Variants in PIK3R5 observed in about 807,000 individuals in gnomAD.
PIK3R5 encodes phosphoinositide-3-kinase regulatory subunit 5.
A neutral mutation model predicts 94.9 loss-of-function variants in PIK3R5; 32 were observed. The ratio of observed to expected loss-of-function variants is 0.34; its 90% CI spans 0.25 to 0.45. The LOEUF is 0.45. PIK3R5 is among the 20% of genes least tolerant of loss of function. The probability of loss-of-function intolerance (pLI) is 1.00; values close to 1 mark genes in which losing one functional copy is unlikely to be tolerated. For synonymous variants in PIK3R5, 443 were observed against 479.4 expected, an observed-to-expected ratio of 0.92 and a Z score of 0.99; for missense variants, 853 against 1,144.6, an observed-to-expected ratio of 0.75 and a Z score of 3.68.
intron 6 of PIK3R5, among the ~76,000 whole-genome samples, chr17:8,891,376 C>T (rs553469403): frequency 5.9e-5 from 9 of 152,054 alleles, no homozygotes; most frequent in African/African-American, 2.2e-4. Flanking sequence ...TTCCTCGTGC[C>T]GTGGGGCTGC....
intron 1 of PIK3R5, among the ~76,000 whole-genome samples, chr17:8,943,544 G>A (rs1038555154): frequency 6.6e-5 from 10 of 152,164 alleles, no homozygotes; most frequent in African/African-American, 9.7e-5. Flanking sequence ...AGGCCGAGGC[G>A]GATGCATCAT....
chr17:8,916,778 A>C (rs1313357612), intron 1 of PIK3R5: 1 of 152,256 alleles, frequency 6.6e-6, no homozygotes, highest in African/African-American at 2.4e-5. Flanking sequence ...GAGGAGGTGT[A>C]GGGTCTGCCT....
At position 8,893,714 on chromosome 17, in the gene PIK3R5, T is replaced by C; in HGVS notation, c.413-59A>G. Reference sequence around the variant, plus strand: ...ATCAGTTCCTTCAGCATCGTCCGTGTGCCTCGTGGGGAGCCAAGCACTGGA... The same window carrying C: ...ATCAGTTCCTTCAGCATCGTCCGTGCGCCTCGTGGGGAGCCAAGCACTGGA... On this transcript the variant is annotated intron_variant, in intron 5 of 18. Coordinates refer to ENST00000447110, the MANE Select transcript of PIK3R5 (RefSeq NM_001142633.3). The surrounding 1 kb of genome is among the most constrained non-coding windows in gnomAD (Gnocchi z 5.1). 7.5e-7 allele frequency: 1 copy of C among 1,339,352 alleles called. No homozygotes were observed. Among genetic ancestry groups the C allele is most frequent in the South Asian group, 1.2e-5 (1 of 85,250 alleles). The allele number at this position is 1,339,352 out of a possible 1,614,324, so 83.0% of individuals were successfully genotyped here.
At chr17:8,886,192 C>G (rs758719686) in intron 14 of PIK3R5, 37 bp downstream of exon 14, 1 of 1,520,854 alleles carries the variant, frequency 6.6e-7, no homozygotes, top group South Asian at 1.1e-5. Context: ...GTCCCAGGCC[C>G]CGCCTCACCG....
chr17:8,916,781 G>A (rs993214788), intron 1 of PIK3R5: 1 of 152,292 alleles, frequency 6.6e-6, no homozygotes, highest in Non-Finnish European at 1.5e-5. Context: ...GAGGTGTAGG[G>A]TCTGCCTGGG....
At chr17:8,963,570 C>T (rs2091604272) in intron 1 of PIK3R5, among the ~76,000 whole-genome samples, 1 of 150,630 alleles carries the variant, frequency 6.6e-6, no homozygotes. Flanking sequence ...TAGGGTCTCT[C>T]TGTGTCTGCC....
At chr17:8,898,226 C>T (rs1269563603) in intron 5 of PIK3R5, among the ~76,000 whole-genome samples, 3 of 152,194 alleles carry the variant, frequency 2.0e-5, no homozygotes, top group Non-Finnish European at 2.9e-5. Context: ...AGAAATGTAA[C>T]ACCACTGAAG....
chr17:8,947,404 G>A (rs1484541226), intron 1 of PIK3R5, among the ~76,000 whole-genome samples: 1 of 152,206 alleles, frequency 6.6e-6, no homozygotes, highest in African/African-American at 2.4e-5. Flanking sequence ...CATGACTGGG[G>A]TTTGTAGTAA....
At chr17:8,953,140 T>C (rs890916238) in intron 1 of PIK3R5, among the ~76,000 whole-genome samples, 1 of 152,204 alleles carries the variant, frequency 6.6e-6, no homozygotes, top group Non-Finnish European at 1.5e-5. Flanking sequence ...ACCCATTACA[T>C]GGTCCAGCAT....
In PIK3R5 at chr17:8,888,975, A is replaced by T; in HGVS notation, c.896-84T>A. 1 of 1,537,170 alleles carries T rather than the reference A, an allele frequency of 6.5e-7. No individual in the cohort carries two copies. Among genetic ancestry groups the T allele is most frequent in the Admixed American group, 1.9e-5 (1 of 53,650 alleles). On this transcript the variant is annotated intron_variant, in intron 9 of 18. Coordinates refer to ENST00000447110, the MANE Select transcript of PIK3R5 (RefSeq NM_001142633.3). The surrounding 1 kb of genome is among the most constrained non-coding windows in gnomAD (Gnocchi z 7.8). The stretch of plus-strand genomic sequence containing the variant: ...TTCCCTTTGGAGGGGAGACAGCAGG[A>T]CTCAGGGCCAGCCCAGGACTCCTAG...
chr17:8,886,732 TGGAAGCA>T lies in PIK3R5; in HGVS notation c.1906-134_1906-128del, dbSNP rs964623165. The T allele has an allele frequency of 1.1e-5, 12 of 1,133,294 alleles. No homozygotes were observed. The African/African-American group carries it at 1.9e-4, about 18-fold the overall frequency. 70.2% of individuals were successfully genotyped at this position (1,133,294 alleles called of 1,614,324 possible). ...AGCCAGTCAGGGGGAGCTGGTGAGG[TGGAAGCA>T]GGAAGCAGGGGAGGGCCGGTGCCCA... is the stretch of plus-strand genomic sequence containing the variant. On this transcript the variant is annotated intron_variant, in intron 12 of 18. Coordinates refer to ENST00000447110, the MANE Select transcript of PIK3R5 (RefSeq NM_001142633.3).
rs971399488 is a variant in PIK3R5 at position 8,909,874 on chromosome 17, C to T, written c.104-700G>A. Among the ~76,000 whole-genome samples the T allele has an allele frequency of 2.0e-5, 3 of 152,148 alleles. No individual in the cohort carries two copies. Among genetic ancestry groups the T allele is most frequent in the Non-Finnish European group, 4.4e-5 (3 of 68,028 alleles). ...GAGGTTAGAACAGAGGCAGAAATTG[C>T]TGGAAGAATACAGAGAGGAGCCACG... is the stretch of plus-strand genomic sequence containing the variant. On this transcript the variant is annotated intron_variant, in intron 2 of 18. Transcript: ENST00000447110. The surrounding 1 kb of genome is among the most constrained non-coding windows in gnomAD (Gnocchi z 4.3).
In PIK3R5 at chr17:8,904,857, C is replaced by T. The variant is rs142665400; in HGVS notation, c.332G>A (p.Arg111Gln). 1,734 of 1,614,010 alleles carry T rather than the reference C, an allele frequency of 1.1e-3. 3 individuals are homozygous for T. The highest frequency in any genetic ancestry group is 1.3e-3 in the Non-Finnish European group (1,575 of 1,180,022). Residue 111 changes from arginine to glutamine, a missense_variant, in exon 5 of 19, where the codon CGG becomes CAG. Arg to Gln is a conservative substitution (Grantham distance 43, BLOSUM62 1). This residue lies in a region of PIK3R5 where 108 missense variants were observed against 170.1 expected (regional missense o/e 0.63). Coordinates refer to ENST00000447110, the MANE Select transcript of PIK3R5 (RefSeq NM_001142633.3). This position sits in a 1 kb window ranked among gnomAD's most constrained non-coding sequence, Gnocchi z 5.1. ...LLLKAASTYH[R>Q]FLTWPVPYCS... The stretch of plus-strand genomic sequence containing the variant: ...GTAAGGAACAGGCCAGGTCAGGAAC[C>T]GGTGGTAGGTGCTGGCTGCCTTCAG...
At chr17:8,958,091 A>G (rs2091493678) in intron 1 of PIK3R5, among the ~76,000 whole-genome samples, 1 of 152,138 alleles carries the variant, frequency 6.6e-6, no homozygotes. Context: ...CTGGTGGATC[A>G]CTTGAGGCCA....
rs2089959686 is a variant in PIK3R5, at chr17:8,889,121, A to AGGCAGTGTG, written c.895+17_895+18insCACACTGCC. The AGGCAGTGTG allele has an allele frequency of 1.2e-6, 2 of 1,606,268 alleles. No individual in the cohort carries two copies. The highest frequency in any genetic ancestry group is 2.2e-5 in the South Asian group (2 of 90,570). On this transcript the variant is annotated intron_variant, in intron 9 of 18. Transcript: ENST00000447110. The surrounding 1 kb of genome is among the most constrained non-coding windows in gnomAD (Gnocchi z 4.1). The stretch of plus-strand genomic sequence containing the variant: ...GGCAGTGTGGGGCATGGGTGTCACC[A>AGGCAGTGTG]GGGCCCCGGCTCCTTACCAAAGCTG...
chr17:8,939,730 A>G (rs1240386867), intron 1 of PIK3R5, among the ~76,000 whole-genome samples: 1 of 152,208 alleles, frequency 6.6e-6, no homozygotes, highest in African/African-American at 2.4e-5. Context: ...ATCCAAGTTC[A>G]CGGATGCCTG....
Position 8,892,601 on chromosome 17 carries a change from T to C in PIK3R5, c.482+985A>G, listed in dbSNP as rs1487440943. ...TCTAAAGGGCTTTGATGATTCTTCA[T>C]CAGCCCACCTGCCCCAGCTCCCCCA... On this transcript the variant is annotated intron_variant, in intron 6 of 18. Transcript: ENST00000447110. This position sits in a 1 kb window ranked among gnomAD's most constrained non-coding sequence, Gnocchi z 4.3. 6.6e-6 allele frequency among the ~76,000 whole-genome samples: 1 copy of C among 152,216 alleles called. No individual in the cohort carries two copies. Among genetic ancestry groups the C allele is most frequent in the Non-Finnish European group, 1.5e-5 (1 of 68,040 alleles).
At position 8,925,745 on chromosome 17, in the gene PIK3R5, T is replaced by C. The variant is rs984731955; in HGVS notation, c.-13-14238A>G. On this transcript the variant is annotated intron_variant, in intron 1 of 18. Transcript: ENST00000447110. The surrounding 1 kb of genome is among the most constrained non-coding windows in gnomAD (Gnocchi z 5.1). The stretch of plus-strand genomic sequence containing the variant: ...GCTTGCATCATGGCTGAGTACATTT[T>C]GGTCCCCAAGTGGGTGTGCACTTTT... Among the ~76,000 whole-genome samples the C allele has an allele frequency of 4.6e-5, 7 of 152,268 alleles. No homozygotes were observed. Among genetic ancestry groups the C allele is most frequent in the African/African-American group, 1.4e-4 (6 of 41,472 alleles).
chr17:8,887,043 G>A (rs531572705), intron 12 of PIK3R5, 53 bp downstream of exon 12: 10 of 1,606,474 alleles, frequency 6.2e-6, no homozygotes, highest in Non-Finnish European at 8.5e-6. Context: ...TTCTAAGTGA[G>A]GCTGGGTGAC....
Sources: allele counts gnomAD v4.1 joint callset (sites outside exome capture counted in the v4.1 genomes callset), GRCh38; gene constraint gnomAD v4.1.1; regional missense constraint gnomAD v4.1.1; non-coding constraint Gnocchi (gnomAD v3.1); transcripts MANE v1.5; gene names NCBI Gene and HGNC (gene_info 2026-07-23, HGNC 2026-07-21).